TRIM22: variants seen among roughly 807,000 people sequenced by gnomAD.
TRIM22 encodes the protein tripartite motif containing 22.
In TRIM22, 45 loss-of-function variants were observed where a neutral mutation model predicts 53.6. That is an observed-to-expected ratio of 0.84 (90% CI 0.66 to 1.08). The LOEUF (loss-of-function observed/expected upper bound fraction) is 1.08, where lower values mean the gene tolerates loss of function less well. Ranked by LOEUF, TRIM22 falls within the 50% of genes least tolerant of loss-of-function variation. The pLI is 0.00. For missense variants in TRIM22, 616 were observed against 590.9 expected, an observed-to-expected ratio of 1.04 and a Z score of -0.44; for synonymous variants, 225 against 216.6, an observed-to-expected ratio of 1.04 and a Z score of -0.34.
Position 5,698,298 on chromosome 11 carries a change from C to T in TRIM22, c.520-17C>T, listed in dbSNP as rs1301765159. The T allele has an allele frequency of 5.0e-6, 8 of 1,609,366 alleles. No individual in the cohort carries two copies. The highest frequency in any genetic ancestry group is 2.7e-5 in the African/African-American group (2 of 74,830). On this transcript the variant is annotated splice_polypyrimidine_tract_variant and intron_variant, in intron 3 of 7. Transcript: ENST00000379965. ...AACCAGCCAGACTGACTGCCTCTTT[C>T]TCTTTTCATTCCCAAGAATTATATC...
At chr11:5,707,990 C>T (rs1001445722) in intron 5 of TRIM22, among the ~76,000 whole-genome samples, 183 bp from the exon 6 acceptor site, 2 of 152,162 alleles carry the variant, frequency 1.3e-5, no homozygotes, top group Non-Finnish European at 2.9e-5. Flanking sequence ...CAAGATTACA[C>T]ACAGACAGGT....
chr11:5,700,977 T>G (rs188099817), intron 4 of TRIM22, among the ~76,000 whole-genome samples: 18 of 152,304 alleles, frequency 1.2e-4, no homozygotes, highest in Admixed American at 1.0e-3. Context: ...ATATGATTTT[T>G]CTTCTTTATT....
At chr11:5,708,489 C>T in intron 6 of TRIM22, 88 bp from the exon 7 acceptor site, 1 of 1,327,774 alleles carries the variant, frequency 7.5e-7, no homozygotes. Context: ...AGTATTCCCC[C>T]TTTCCTTTCC....
chr11:5,693,299 G>A (rs759370164), intron 1 of TRIM22, among the ~76,000 whole-genome samples: 3 of 150,848 alleles, frequency 2.0e-5, no homozygotes, highest in African/African-American at 2.4e-5. Context: ...AGCCTTCACC[G>A]TGTCATAGAA....
chr11:5,703,620 C>T (rs991846040), intron 4 of TRIM22, among the ~76,000 whole-genome samples: 2 of 151,974 alleles, frequency 1.3e-5, no homozygotes, highest in Admixed American at 6.6e-5. Flanking sequence ...CTCCTGACCT[C>T]GTGATCCGCC....
chr11:5,696,820 T>C, intron 2 of TRIM22, 165 bp downstream of exon 2: 1 of 693,932 alleles, frequency 1.4e-6, no homozygotes, highest in Non-Finnish European at 2.3e-6. Context: ...TGAAGGACAC[T>C]GCTGCACATT....
intron 4 of TRIM22, among the ~76,000 whole-genome samples, chr11:5,704,991 GT>G (rs1430702411): frequency 1.3e-5 from 2 of 152,250 alleles, no homozygotes; most frequent in Non-Finnish European, 2.9e-5. Flanking sequence ...GACAATATTT[GT>G]TTGTCTGTCT....
At position 5,696,453 on chromosome 11, in the gene TRIM22, T is replaced by C. The variant is rs780626396; in HGVS notation, c.221T>C (p.Leu74Pro). 1 of 1,614,248 alleles carries C rather than the reference T, an allele frequency of 6.2e-7. No individual in the cohort carries two copies. The highest frequency in any genetic ancestry group is 8.5e-7 in the Non-Finnish European group (1 of 1,180,046). ...GGGAACCTCCGACCTAATCGGCATC[T>C]GGCCAACATAGTTGAGAGAGTCAAA... Reference protein sequence around the residue: ...QPGNLRPNRHLANIVERVKEV... With the variant: ...QPGNLRPNRHPANIVERVKEV... Residue 74 changes from leucine (L) to proline (P), a missense_variant, in exon 2 of 8, where the codon CTG becomes CCG. Physicochemically the swap from Leu to Pro is moderately conservative, Grantham distance 98. Coordinates refer to ENST00000379965, the MANE Select transcript of TRIM22 (RefSeq NM_006074.5).
At chr11:5,705,361 GT>G (rs1260371947) in intron 4 of TRIM22, among the ~76,000 whole-genome samples, 1 of 152,106 alleles carries the variant, frequency 6.6e-6, no homozygotes, top group African/African-American at 2.4e-5. Context: ...AATATAATAG[GT>G]ATGAAATATA....
intron 6 of TRIM22, 140 bp downstream of exon 6, chr11:5,708,413 G>A: frequency 1.0e-6 from 1 of 988,388 alleles, no homozygotes; most frequent in Non-Finnish European, 1.5e-6. Context: ...TGTAGATGTG[G>A]TCCTGTCTTA....
chr11:5,700,675 C>G (rs149819754), intron 4 of TRIM22, among the ~76,000 whole-genome samples: 117 of 139,738 alleles, frequency 8.4e-4, no homozygotes, highest in African/African-American at 3.1e-3. Context: ...CGTTCTGTCA[C>G]CCAGACTGGA....
At chr11:5,701,382 T>TCAACAGA (rs573158350) in intron 4 of TRIM22, among the ~76,000 whole-genome samples, 1,883 of 152,348 alleles carry the variant, frequency 0.012, 43 homozygotes, top group African/African-American at 0.043. Context: ...ATTACAGCTG[T>TCAACAGA]CTGTTACTGA....
At position 5,706,629 on chromosome 11, in the gene TRIM22, G is replaced by T. The variant is rs1418424329; in HGVS notation, c.773+13G>T. 6.2e-7 allele frequency: 1 copy of T among 1,604,274 alleles called. No homozygotes were observed. Among genetic ancestry groups the T allele is most frequent in the Non-Finnish European group, 8.5e-7 (1 of 1,173,684 alleles). Reference sequence around the variant, plus strand: ...ACGTCATGAAAAGGTATATGTGGAAGAGAGATGTGGTCTTATTTGTCTGAA... The same window carrying T: ...ACGTCATGAAAAGGTATATGTGGAATAGAGATGTGGTCTTATTTGTCTGAA... On this transcript the variant is annotated intron_variant, in intron 5 of 7. Transcript: ENST00000379965.
At position 5,709,071 on chromosome 11, in the gene TRIM22, C is replaced by T; in HGVS notation, c.920C>T (p.Pro307Leu). Reference protein sequence around the residue: ...QYYWVDVMLNPGSATSNVAIS... With the variant: ...QYYWVDVMLNLGSATSNVAIS... The stretch of plus-strand genomic sequence containing the variant: ...TCTACAGTGGACGTGATGCTGAATC[C>T]AGGCAGTGCCACTTCGAATGTTGCT... Residue 307 changes from proline (P) to leucine (L), a missense_variant, in exon 8 of 8, where the codon CCA (proline) becomes CTA (leucine). Pro to Leu is a moderately conservative substitution (Grantham distance 98, BLOSUM62 -3). Coordinates refer to ENST00000379965, the MANE Select transcript of TRIM22 (RefSeq NM_006074.5). 6.2e-7 allele frequency: 1 copy of T among 1,612,736 alleles called. No individual in the cohort carries two copies. Among genetic ancestry groups the T allele is most frequent in the South Asian group, 1.1e-5 (1 of 91,040 alleles).
At chr11:5,703,768 C>T (rs1853414099) in intron 4 of TRIM22, among the ~76,000 whole-genome samples, 1 of 151,936 alleles carries the variant, frequency 6.6e-6, no homozygotes, top group Non-Finnish European at 1.5e-5. Context: ...TGATGGATAC[C>T]TGGGTTGATT....
At chr11:5,693,629 G>A (rs1267402895) in intron 1 of TRIM22, among the ~76,000 whole-genome samples, 1 of 148,280 alleles carries the variant, frequency 6.7e-6, no homozygotes, top group Admixed American at 6.9e-5. Context: ...GGCTGAGGCA[G>A]GAGAATGGCG....
At chr11:5,690,542 C>T (rs1274512797) in intron 1 of TRIM22, among the ~76,000 whole-genome samples, 1 of 152,030 alleles carries the variant, frequency 6.6e-6, no homozygotes, top group Non-Finnish European at 1.5e-5. Context: ...CTGATAACGC[C>T]TGGTACTGTG....
At chr11:5,696,914 C>A (rs1043432395) in intron 2 of TRIM22, 5 of 524,620 alleles carry the variant, frequency 9.5e-6, no homozygotes, top group African/African-American at 7.7e-5. Context: ...GCTTTCATTG[C>A]CCCTCCAAGA....
chr11:5,691,371 G>T (rs1371570324), intron 1 of TRIM22, among the ~76,000 whole-genome samples: 1 of 152,134 alleles, frequency 6.6e-6, no homozygotes, highest in African/African-American at 2.4e-5. Context: ...AATTAGATCG[G>T]AACAAAACAG....
Sources: gnomAD v4.1 joint callset for allele counts (sites outside exome capture counted in the v4.1 genomes callset) on GRCh38, gnomAD v4.1.1 for gene constraint, MANE v1.5 for transcripts, NCBI Gene and HGNC (gene_info 2026-07-23, HGNC 2026-07-21) for gene names.